MACROD1: variants seen among roughly 807,000 people sequenced by gnomAD.
The protein encoded by MACROD1 is mono-ADP ribosylhydrolase 1.
MACROD1 carries 31 observed loss-of-function variants against 41.4 expected under a neutral mutation model. The observed-to-expected ratio is 0.75, with a 90% confidence interval of 0.56 to 1.01. MACROD1 has a LOEUF of 1.01. MACROD1 is among the 50% of genes least tolerant of loss of function. MACROD1 has a pLI of 0.00. For synonymous variants in MACROD1, 252 were observed against 203.4 expected (o/e 1.24, Z -2.03); for missense variants, 473 against 460.0 (o/e 1.03, Z -0.26).
rs79998396 is a variant in MACROD1, at chr11:64,090,428, C to T, written c.517+60811G>A. Among the ~76,000 whole-genome samples, 1,037 of 152,314 alleles carry T rather than the reference C, an allele frequency of 6.8e-3. 14 individuals are homozygous for T. Among genetic ancestry groups the T allele is most frequent in the African/African-American group, 0.024 (988 of 41,560 alleles). ...TTATTTCCTCAACTCACCTCCAGCCCGGGCAGCAGTGGGTCGATAATAATT... is the reference window on the plus strand; with the variant it reads ...TTATTTCCTCAACTCACCTCCAGCCTGGGCAGCAGTGGGTCGATAATAATT... On this transcript the variant is annotated intron_variant, in intron 3 of 10. Transcript: ENST00000255681. This position sits in a 1 kb window ranked among gnomAD's most constrained non-coding sequence, Gnocchi z 4.7.
intron 3 of MACROD1, among the ~76,000 whole-genome samples, chr11:64,042,061 G>A (rs1943497393): frequency 6.6e-6 from 1 of 152,208 alleles, no homozygotes; most frequent in Non-Finnish European, 1.5e-5. Context: ...GGTGGGCCAG[G>A]CCTGGAGCTG....
chr11:64,138,368 T>C (rs895196971), intron 3 of MACROD1, among the ~76,000 whole-genome samples: 33 of 152,242 alleles, frequency 2.2e-4, no homozygotes, highest in Admixed American at 2.1e-3. Context: ...CCCCGCAGGC[T>C]GCCAGAGGGG....
At chr11:64,007,571 G>A (rs1942934587) in intron 4 of MACROD1, among the ~76,000 whole-genome samples, 1 of 152,162 alleles carries the variant, frequency 6.6e-6, no homozygotes, top group African/African-American at 2.4e-5. Context: ...GAGGTGCGAG[G>A]AGTCGAGCAA....
chr11:64,051,051 G>T (rs1943684314), intron 3 of MACROD1, among the ~76,000 whole-genome samples: 1 of 152,210 alleles, frequency 6.6e-6, no homozygotes, highest in African/African-American at 2.4e-5. Context: ...AAGGATTGAG[G>T]CTCAAGTATT....
intron 9 of MACROD1, 26 bp downstream of exon 9, chr11:63,998,929 G>C: frequency 1.3e-6 from 2 of 1,557,142 alleles, no homozygotes; most frequent in Non-Finnish European, 1.7e-6. Context: ...GCAGGGGCGG[G>C]CCGTGGGGCG....
rs189632333 is a variant in MACROD1, at chr11:64,059,814, G to C, written c.518-44533C>G. 1.9e-3 allele frequency among the ~76,000 whole-genome samples: 282 copies of C among 152,312 alleles called. 4 individuals are homozygous for C. Among genetic ancestry groups the C allele is most frequent in the African/African-American group, 6.4e-3 (266 of 41,576 alleles). On this transcript the variant is annotated intron_variant, in intron 3 of 10. Transcript: ENST00000255681. ...GTTAATCATTTTGGGTCTTCCAAGG[G>C]TCCTGACCCCGAGAGGCCCGCCCCT... is the stretch of plus-strand genomic sequence containing the variant.
intron 3 of MACROD1, among the ~76,000 whole-genome samples, chr11:64,048,866 G>T (rs1943636443): frequency 6.6e-6 from 1 of 152,198 alleles, no homozygotes; most frequent in South Asian, 2.1e-4. Context: ...ATCCCATGGT[G>T]CAAACCCAAA....
chr11:64,134,947 CAG>C (rs1487690234), intron 3 of MACROD1, among the ~76,000 whole-genome samples: 16 of 152,200 alleles, frequency 1.1e-4, no homozygotes, highest in Non-Finnish European at 2.9e-5. Context: ...CCAGGGAAGG[CAG>C]AGAGATTTGT....
intron 3 of MACROD1, among the ~76,000 whole-genome samples, chr11:64,081,264 T>C (rs1162054994): frequency 6.6e-6 from 1 of 152,178 alleles, no homozygotes; most frequent in African/African-American, 2.4e-5. Context: ...TCAGGTGATC[T>C]GCCCACCTCG....
intron 3 of MACROD1, among the ~76,000 whole-genome samples, chr11:64,114,055 CATGGATGGATGGATGGATGGATGG>C (rs61724501): frequency 1.0e-5 from 1 of 98,034 alleles, no homozygotes; most frequent in South Asian, 3.4e-4. Flanking sequence ...TGGGTTGATG[CATGGATGGATGGATGGATGGATGG>C]ATGGATGGAT....
At chr11:64,058,659 A>G (rs974464489) in intron 3 of MACROD1, among the ~76,000 whole-genome samples, 21 of 152,350 alleles carry the variant, frequency 1.4e-4, no homozygotes, top group African/African-American at 5.0e-4. Flanking sequence ...CATGACACTG[A>G]ACAGCTTCCC....
chr11:63,998,748 T>C (rs1942758780), intron 10 of MACROD1, 61 bp from the exon 11 acceptor site: 1 of 1,417,346 alleles, frequency 7.1e-7, no homozygotes, highest in Middle Eastern at 2.6e-4. Flanking sequence ...GGCTGCCCCG[T>C]GGTTTCCCGC....
intron 3 of MACROD1, among the ~76,000 whole-genome samples, chr11:64,030,435 G>A (rs1385853465): frequency 6.6e-6 from 1 of 152,188 alleles, no homozygotes; most frequent in Non-Finnish European, 1.5e-5. Flanking sequence ...CTGTAGCAGG[G>A]GTTGGGGACA....
intron 3 of MACROD1, among the ~76,000 whole-genome samples, chr11:64,043,412 G>A (rs577402669): frequency 2.0e-5 from 3 of 152,226 alleles, no homozygotes; most frequent in Non-Finnish European, 4.4e-5. Flanking sequence ...GCAGTAGCAG[G>A]TGGAATGCAT....
At chr11:64,046,439 G>A (rs1291363184) in intron 3 of MACROD1, among the ~76,000 whole-genome samples, 1 of 152,226 alleles carries the variant, frequency 6.6e-6, no homozygotes. Context: ...CAAGGGGACA[G>A]GAGGGAGCTG....
chr11:64,018,114 G>A (rs1943106483), intron 3 of MACROD1, among the ~76,000 whole-genome samples: 1 of 152,172 alleles, frequency 6.6e-6, no homozygotes, highest in African/African-American at 2.4e-5. Context: ...GGGAGGCCAG[G>A]CCAGGAGATG....
intron 3 of MACROD1, among the ~76,000 whole-genome samples, chr11:64,141,696 G>A (rs1218077797): frequency 2.0e-5 from 3 of 152,216 alleles, no homozygotes; most frequent in Admixed American, 6.5e-5. Flanking sequence ...CACCGGGGAC[G>A]CAAGCAGGGG....
In MACROD1 at chr11:64,064,914, G is replaced by A. The variant is rs1943969096; in HGVS notation, c.518-49633C>T. On this transcript the variant is annotated intron_variant, in intron 3 of 10. Transcript: ENST00000255681. The surrounding 1 kb of genome is among the most constrained non-coding windows in gnomAD (Gnocchi z 4.5). ...CCAGAGCCCACCTATGACGTGCCAG[G>A]CAAGGCGGCAGGCAGGAGGGCCACC... is the stretch of plus-strand genomic sequence containing the variant. Among the ~76,000 whole-genome samples the A allele has an allele frequency of 6.6e-6, 1 of 152,148 alleles. No individual in the cohort carries two copies. The highest frequency in any genetic ancestry group is 1.5e-5 in the Non-Finnish European group (1 of 68,006).
rs1469437955 is a variant in MACROD1 at position 64,090,770 on chromosome 11, G to A, written c.517+60469C>T. 2.6e-5 allele frequency among the ~76,000 whole-genome samples: 4 copies of A among 151,922 alleles called. No individual in the cohort carries two copies. Among genetic ancestry groups the A allele is most frequent in the African/African-American group, 2.4e-5 (1 of 41,374 alleles). On this transcript the variant is annotated intron_variant, in intron 3 of 10. Transcript: ENST00000255681. This position sits in a 1 kb window ranked among gnomAD's most constrained non-coding sequence, Gnocchi z 4.7. ...AAGACTAAAAGGGGGGCGGGGTGGC[G>A]GCGTCTCTCCACCAGGCACTTGGGG...
Sources: allele counts gnomAD v4.1 joint callset (sites outside exome capture counted in the v4.1 genomes callset), GRCh38; gene constraint gnomAD v4.1.1; non-coding constraint Gnocchi (gnomAD v3.1); transcripts MANE v1.5; gene names NCBI Gene and HGNC (gene_info 2026-07-23, HGNC 2026-07-21).